The following PLEKHA5 variants were observed in gnomAD, a reference collection of about 807,000 sequenced individuals.
The protein encoded by PLEKHA5 is pleckstrin homology domain-containing family A member 5.
Under a neutral mutation model 181.9 loss-of-function variants are expected in PLEKHA5, and 55 were observed. That is an observed-to-expected ratio of 0.30 (90% CI 0.24 to 0.38). The LOEUF (loss-of-function observed/expected upper bound fraction) is 0.38. Among genes scored for constraint, PLEKHA5 ranks in the 10% least tolerant of loss-of-function variants. The pLI, the probability that PLEKHA5 is intolerant of heterozygous loss-of-function variation, is 1.00. For missense variants in PLEKHA5, 1,432 were observed against 1,549.5 expected (o/e 0.92, Z 1.27); for synonymous variants, 535 against 529.4 (o/e 1.01, Z -0.15).
At chr12:19,179,534 C>T (rs1259877629) in intron 3 of PLEKHA5, among the ~76,000 whole-genome samples, 1 of 152,150 alleles carries the variant, frequency 6.6e-6, no homozygotes, top group Non-Finnish European at 1.5e-5. Flanking sequence ...GTGGCACATA[C>T]CTGTAATCTC....
chr12:19,171,531 G>C (rs2045887875), intron 3 of PLEKHA5, among the ~76,000 whole-genome samples: 1 of 152,004 alleles, frequency 6.6e-6, no homozygotes, highest in Non-Finnish European at 1.5e-5. Context: ...TGCAGTGGCG[G>C]TACCTCGGCA....
intron 30 of PLEKHA5, among the ~76,000 whole-genome samples, chr12:19,368,362 G>A (rs1026868599): frequency 8.5e-5 from 13 of 152,110 alleles, no homozygotes. Flanking sequence ...AGCCGGATGG[G>A]ATGGCACTAT....
At chr12:19,297,409 T>C (rs1300226452) in intron 15 of PLEKHA5, among the ~76,000 whole-genome samples, 1 of 147,652 alleles carries the variant, frequency 6.8e-6, no homozygotes, top group Non-Finnish European at 1.5e-5. Flanking sequence ...GATCATGAGG[T>C]CAGGAGATCG....
intron 1 of PLEKHA5, 71 bp downstream of exon 1, chr12:19,129,959 G>T: frequency 6.8e-7 from 1 of 1,473,972 alleles, no homozygotes; most frequent in South Asian, 1.2e-5. Context: ...GGCGACACGG[G>T]GGAGAGCCCG....
At chr12:19,187,134 A>T (rs554986184) in intron 3 of PLEKHA5, among the ~76,000 whole-genome samples, 1 of 152,292 alleles carries the variant, frequency 6.6e-6, no homozygotes, top group South Asian at 2.1e-4. Flanking sequence ...ACAAGTTAAC[A>T]TATGTGAGGT....
intron 31 of PLEKHA5, among the ~76,000 whole-genome samples, chr12:19,375,132 T>A (rs945129945): frequency 6.6e-6 from 1 of 151,940 alleles, no homozygotes; most frequent in Non-Finnish European, 1.5e-5. Flanking sequence ...GAGACCAGCC[T>A]GGCCAACATG....
chr12:19,205,007 T>C (rs2055084318), intron 3 of PLEKHA5, among the ~76,000 whole-genome samples: 1 of 152,162 alleles, frequency 6.6e-6, no homozygotes, highest in South Asian at 2.1e-4. Flanking sequence ...GATTCTTATG[T>C]TGACATAGTT....
intron 3 of PLEKHA5, among the ~76,000 whole-genome samples, chr12:19,250,441 G>C (rs994772540): frequency 6.6e-6 from 1 of 152,130 alleles, no homozygotes; most frequent in Non-Finnish European, 1.5e-5. Context: ...AAATTAGCCA[G>C]GCGTCGTGGT....
At position 19,306,853 on chromosome 12, in the gene PLEKHA5, A is replaced by G. The variant is rs182399573; in HGVS notation, c.2038-7961A>G. ...TTCCTTGACAGAGCTTTGATAACGT[A>G]CCATATGCAGAAGGAGTTATTCCTG... On this transcript the variant is annotated intron_variant, in intron 15 of 31. Transcript: ENST00000429027. 219 of 791,834 alleles carry G rather than the reference A, an allele frequency of 2.8e-4. No homozygotes were observed. In the East Asian group the frequency reaches 5.1e-3, roughly 18 times the overall value. The allele number at this position is 791,834 out of a possible 1,614,324, so 49.1% of individuals were successfully genotyped here.
intron 13 of PLEKHA5, 114 bp downstream of exon 13, chr12:19,287,670 C>T: frequency 1.5e-6 from 1 of 666,574 alleles, no homozygotes; most frequent in South Asian, 1.9e-5. Flanking sequence ...AAAGAAAAAA[C>T]ATTACTGCTT....
intron 15 of PLEKHA5, among the ~76,000 whole-genome samples, chr12:19,299,086 T>C (rs2080752977): frequency 6.6e-6 from 1 of 152,218 alleles, no homozygotes; most frequent in Admixed American, 6.5e-5. Flanking sequence ...TGCCTGCCTC[T>C]CCATCACTGT....
intron 3 of PLEKHA5, among the ~76,000 whole-genome samples, chr12:19,215,475 G>T (rs1213513358): frequency 2.0e-5 from 3 of 152,140 alleles, no homozygotes; most frequent in Admixed American, 2.0e-4. Context: ...CATGTGTGTG[G>T]AGGTAAGGGG....
chr12:19,194,832 T>A (rs557187962), intron 3 of PLEKHA5, among the ~76,000 whole-genome samples: 10 of 152,344 alleles, frequency 6.6e-5, no homozygotes, highest in South Asian at 6.2e-4. Flanking sequence ...CAGCATATAT[T>A]CTACTGAATT....
At chr12:19,306,453 G>A in intron 15 of PLEKHA5, 1 of 617,832 alleles carries the variant, frequency 1.6e-6, no homozygotes, top group Middle Eastern at 2.6e-4. Context: ...TGTAGCATCG[G>A]ATACCCACCT....
At chr12:19,233,137 T>C (rs1175120379) in intron 3 of PLEKHA5, among the ~76,000 whole-genome samples, 1 of 152,346 alleles carries the variant, frequency 6.6e-6, no homozygotes, top group East Asian at 1.9e-4. Context: ...AATTTACTTT[T>C]GTAATTAGTG....
chr12:19,152,463 G>A (rs907036328), intron 3 of PLEKHA5: 13 of 152,118 alleles, frequency 8.5e-5, no homozygotes, highest in Admixed American at 2.0e-4. Context: ...TTAGTCTTTC[G>A]TCAGATTTGT....
chr12:19,159,450 A>G (rs1211627864), intron 3 of PLEKHA5, among the ~76,000 whole-genome samples: 1 of 152,200 alleles, frequency 6.6e-6, no homozygotes, highest in Non-Finnish European at 1.5e-5. Flanking sequence ...TACCCATAAT[A>G]TAGATACCAT....
chr12:19,132,993 A>T (rs1291222629), intron 3 of PLEKHA5, among the ~76,000 whole-genome samples: 4 of 151,470 alleles, frequency 2.6e-5, no homozygotes, highest in African/African-American at 9.7e-5. Context: ...ATAGGTAGCA[A>T]AAGTGATGTA....
intron 3 of PLEKHA5, among the ~76,000 whole-genome samples, chr12:19,218,167 G>C (rs2058307049): frequency 6.6e-6 from 1 of 152,116 alleles, no homozygotes; most frequent in Non-Finnish European, 1.5e-5. Context: ...AAAATCAGTA[G>C]CTTCTCTGTG....
Sources: allele counts gnomAD v4.1 joint callset (sites outside exome capture counted in the v4.1 genomes callset), GRCh38; gene constraint gnomAD v4.1.1; transcripts MANE v1.5; gene names NCBI Gene and HGNC (gene_info 2026-07-23, HGNC 2026-07-21).